CSMD1: variants seen among roughly 807,000 people sequenced by gnomAD.
CSMD1 encodes the protein CUB and sushi domain-containing protein 1.
Under a neutral mutation model 417.5 loss-of-function variants are expected in CSMD1, and 213 were observed. The ratio of observed to expected loss-of-function variants is 0.51; its 90% CI spans 0.46 to 0.57. CSMD1 has a LOEUF of 0.57. Among genes scored for constraint, CSMD1 ranks in the 20% least tolerant of loss-of-function variants. The pLI is 0.00. For synonymous variants in CSMD1, 2,862 were observed against 1,736.8 expected (o/e 1.65, Z -16.11); for missense variants, 6,923 against 4,529.7 (o/e 1.53, Z -15.17).
chr8:4,553,235 T>A (rs2130573958), intron 2 of CSMD1, among the ~76,000 whole-genome samples: 1 of 152,322 alleles, frequency 6.6e-6, no homozygotes, highest in South Asian at 2.1e-4. Context: ...ATCTGGACAG[T>A]CTGCAACCAT....
At chr8:3,809,210 G>A (rs561732447) in intron 5 of CSMD1, among the ~76,000 whole-genome samples, 1 of 152,144 alleles carries the variant, frequency 6.6e-6, no homozygotes, top group African/African-American at 2.4e-5. Flanking sequence ...CACCCATCAG[G>A]TCTCCAGTTA....
intron 3 of CSMD1, among the ~76,000 whole-genome samples, chr8:4,218,418 A>G (rs926723248): frequency 1.3e-5 from 2 of 152,176 alleles, no homozygotes; most frequent in Non-Finnish European, 2.9e-5. Context: ...TGACCTTTAT[A>G]TTATATACCT....
At chr8:3,981,158 A>G (rs1003061946) in intron 5 of CSMD1, among the ~76,000 whole-genome samples, 4 of 152,218 alleles carry the variant, frequency 2.6e-5, no homozygotes, top group African/African-American at 9.6e-5. Flanking sequence ...GTTACGCTGC[A>G]TGTACAAGAG....
At chr8:3,664,808 G>C (rs977734259) in intron 7 of CSMD1, among the ~76,000 whole-genome samples, 6 of 152,182 alleles carry the variant, frequency 3.9e-5, no homozygotes, top group African/African-American at 1.2e-4. Flanking sequence ...AAGCTATCAA[G>C]AGAGTCAACA....
At chr8:4,818,084 T>C (rs758271297) in intron 1 of CSMD1, among the ~76,000 whole-genome samples, 40 of 152,272 alleles carry the variant, frequency 2.6e-4, no homozygotes, top group Admixed American at 1.4e-3. Context: ...GGAGGATGCA[T>C]TGAACTGAAC....
chr8:4,160,131 T>C (rs1171639086), intron 3 of CSMD1, among the ~76,000 whole-genome samples: 2 of 152,104 alleles, frequency 1.3e-5, no homozygotes, highest in Non-Finnish European at 2.9e-5. Context: ...AATAACGTCT[T>C]AATTCCAAGT....
intron 19 of CSMD1, 140 bp downstream of exon 19, chr8:3,369,114 A>C: frequency 1.9e-6 from 1 of 537,108 alleles, no homozygotes; most frequent in Non-Finnish European, 3.3e-6. Context: ...AATCTTATTA[A>C]ATAATAAGTT....
At chr8:2,950,129 A>T in intron 67 of CSMD1, 102 bp downstream of exon 67, 1 of 745,264 alleles carries the variant, frequency 1.3e-6, no homozygotes, top group Non-Finnish European at 2.3e-6. Context: ...GGCAGACACA[A>T]GACAGCTCTA....
chr8:3,887,965 A>G lies in CSMD1; in HGVS notation c.818+109938T>C, dbSNP rs551815859. ...AATAGCAATACTTAAGAAAACAGAG[A>G]AAACAAGCTTGTCAGGATTCTTATC... is the stretch of plus-strand genomic sequence containing the variant. On this transcript the variant is annotated intron_variant, in intron 5 of 69. Transcript: ENST00000635120. Among the ~76,000 whole-genome samples, 8 of 152,364 alleles carry G rather than the reference A, an allele frequency of 5.3e-5. No individual in the cohort carries two copies. In the East Asian group the frequency reaches 7.7e-4, roughly 15 times the overall value.
intron 1 of CSMD1, among the ~76,000 whole-genome samples, chr8:4,988,909 C>T (rs997730740): frequency 2.0e-5 from 3 of 152,086 alleles, no homozygotes; most frequent in African/African-American, 7.2e-5. Context: ...CAATGTCCTT[C>T]TATTCTTTTT....
intron 3 of CSMD1, among the ~76,000 whole-genome samples, chr8:4,081,280 C>G (rs1027698035): frequency 1.6e-4 from 25 of 152,190 alleles, no homozygotes; most frequent in Non-Finnish European, 2.9e-5. Flanking sequence ...CCCAGCGATT[C>G]TCGTCTCCTA....
intron 5 of CSMD1, among the ~76,000 whole-genome samples, chr8:3,930,143 G>A (rs1294349090): frequency 1.3e-5 from 2 of 150,040 alleles, no homozygotes; most frequent in African/African-American, 4.9e-5. Flanking sequence ...CCCTACCATT[G>A]TAAATAAGCT....
intron 6 of CSMD1, among the ~76,000 whole-genome samples, chr8:3,709,936 G>C (rs1048571597): frequency 4.0e-5 from 6 of 151,004 alleles, no homozygotes; most frequent in Admixed American, 2.0e-4. Context: ...GCATACAAGG[G>C]GTTGGGGCAC....
At chr8:4,703,688 G>A (rs1264528555) in intron 1 of CSMD1, among the ~76,000 whole-genome samples, 1 of 152,088 alleles carries the variant, frequency 6.6e-6, no homozygotes, top group Non-Finnish European at 1.5e-5. Flanking sequence ...ACTTAGCATT[G>A]CCTGCGACCT....
chr8:4,787,344 G>A, intron 1 of CSMD1: 3 of 735,010 alleles, frequency 4.1e-6, no homozygotes, highest in Non-Finnish European at 7.4e-6. Context: ...GGCGACAGCT[G>A]AGGTACTGAA....
At chr8:4,719,025 G>C (rs7001671) in intron 1 of CSMD1, among the ~76,000 whole-genome samples, 17,711 of 152,026 alleles carry the variant, frequency 0.12, 1,843 homozygotes, top group African/African-American at 0.28. Context: ...AACAACTGAA[G>C]TTTATATTAT....
chr8:3,778,447 C>T (rs775080420), intron 5 of CSMD1, among the ~76,000 whole-genome samples: 11 of 152,198 alleles, frequency 7.2e-5, no homozygotes, highest in African/African-American at 2.4e-4. Context: ...TCCAGCCATC[C>T]CAAGGTGCCC....
intron 69 of CSMD1, among the ~76,000 whole-genome samples, chr8:2,939,458 C>G (rs76931398): frequency 0.058 from 8,756 of 152,126 alleles, 356 homozygotes; most frequent in African/African-American, 0.099. Flanking sequence ...AAAGAAAACC[C>G]CTACGTACAA....
At chr8:4,878,896 C>T (rs1415298782) in intron 1 of CSMD1, among the ~76,000 whole-genome samples, 1 of 150,684 alleles carries the variant, frequency 6.6e-6, no homozygotes, top group Admixed American at 6.6e-5. Context: ...GCTGATGATG[C>T]TCCGAGCAGA....
Sources: gnomAD v4.1 joint callset for allele counts (sites outside exome capture counted in the v4.1 genomes callset) on GRCh38, gnomAD v4.1.1 for gene constraint, MANE v1.5 for transcripts, NCBI Gene and HGNC (gene_info 2026-07-23, HGNC 2026-07-21) for gene names.